The following CACUL1 variants were observed in gnomAD, a reference collection of about 807,000 sequenced individuals.
The protein encoded by CACUL1 is CDK2-associated and cullin domain-containing protein 1.
In CACUL1, 13 loss-of-function variants were observed where a neutral mutation model predicts 45.2. The ratio of observed to expected loss-of-function variants is 0.29; its 90% CI spans 0.19 to 0.46. The LOEUF (loss-of-function observed/expected upper bound fraction) is 0.46, where lower values mean the gene tolerates loss of function less well. CACUL1 is among the 20% of genes least tolerant of loss of function. CACUL1 has a pLI of 1.00. For synonymous variants in CACUL1, 197 were observed against 174.2 expected, an observed-to-expected ratio of 1.13 and a Z score of -1.03; for missense variants, 421 against 471.4, an observed-to-expected ratio of 0.89 and a Z score of 0.99.
intron 1 of CACUL1, among the ~76,000 whole-genome samples, chr10:118,742,568 C>G (rs1157752445): frequency 2.0e-5 from 3 of 152,150 alleles, no homozygotes; most frequent in African/African-American, 7.2e-5. Context: ...GAGGCTCACT[C>G]CTGTAATCCC....
Position 118,678,353 on chromosome 10 carries a change from C to A in CACUL1, c.*7775G>T, listed in dbSNP as rs747948129. Reference sequence around the variant, plus strand: ...TCTATCTTGTTGATGAAATTCTTCCCTACTCCAAAGTCATTGTTTTAATCA... The same window carrying A: ...TCTATCTTGTTGATGAAATTCTTCCATACTCCAAAGTCATTGTTTTAATCA... On this transcript the variant is annotated 3_prime_UTR_variant, in exon 9 of 9. Coordinates refer to ENST00000369151, the MANE Select transcript of CACUL1 (RefSeq NM_153810.5). 1.3e-5 allele frequency: 2 copies of A among 152,184 alleles called. No individual in the cohort carries two copies. The highest frequency in any genetic ancestry group is 4.8e-5 in the African/African-American group (2 of 41,440). The allele number at this position is 152,184 out of a possible 1,614,324, so 9.4% of individuals were successfully genotyped here.
intron 3 of CACUL1, among the ~76,000 whole-genome samples, chr10:118,726,646 T>C (rs1244458436): frequency 1.3e-5 from 2 of 152,132 alleles, no homozygotes; most frequent in Non-Finnish European, 2.9e-5. Context: ...AAGAAAAGAA[T>C]GAAGAAGCAT....
rs74159257 is a variant in CACUL1 at position 118,697,537 on chromosome 10, C to T, written c.797-2307G>A. On this transcript the variant is annotated intron_variant, in intron 5 of 8. Transcript: ENST00000369151. Reference sequence around the variant, plus strand: ...ACACCTTTTGATACCTGAATTGGGACCAGAACCAAGCTCCTCTGCTCTTTC... The same window carrying T: ...ACACCTTTTGATACCTGAATTGGGATCAGAACCAAGCTCCTCTGCTCTTTC... Among the ~76,000 whole-genome samples, 805 of 152,326 alleles carry T rather than the reference C, an allele frequency of 5.3e-3. 8 individuals carry two copies. The highest frequency in any genetic ancestry group is 0.019 in the African/African-American group (774 of 41,570).
At chr10:118,707,650 T>A in intron 3 of CACUL1, 63 bp from the exon 4 acceptor site, 1 of 714,004 alleles carries the variant, frequency 1.4e-6, no homozygotes, top group Non-Finnish European at 2.4e-6. Flanking sequence ...CCACCATAAT[T>A]TGAAACACAA....
At chr10:118,692,918 C>A (rs1045336658) in intron 6 of CACUL1, 1 of 152,180 alleles carries the variant, frequency 6.6e-6, no homozygotes, top group Non-Finnish European at 1.5e-5. Context: ...GGGAGAAACT[C>A]GTGGCAAAAT....
In CACUL1 at chr10:118,683,194, G is replaced by A. The variant is rs935634110; in HGVS notation, c.*2934C>T. ...GTCATTTTTTCAAGATGACTGACCC[G>A]GCTTTCCTTTTAAGGAGCCAGTTTC... On this transcript the variant is annotated 3_prime_UTR_variant, in exon 9 of 9. Coordinates refer to ENST00000369151, the MANE Select transcript of CACUL1 (RefSeq NM_153810.5). The A allele has an allele frequency of 2.0e-5, 3 of 152,096 alleles. No homozygotes were observed. The highest frequency in any genetic ancestry group is 4.8e-5 in the African/African-American group (2 of 41,480). The allele number at this position is 152,096 out of a possible 1,614,324, so 9.4% of individuals were successfully genotyped here.
chr10:118,738,755 TC>T (rs1375308184), intron 1 of CACUL1, among the ~76,000 whole-genome samples: 1 of 151,154 alleles, frequency 6.6e-6, no homozygotes, highest in African/African-American at 2.4e-5. Context: ...ACAAGAGAGA[TC>T]AAAACAAATT....
rs2119536095 is a variant in CACUL1 at position 118,684,701 on chromosome 10, T to C, written c.*1427A>G. ...CACCCACACCACTCCCCCCAAAAAA[T>C]AAACTGAATTGGCAGAGGCAGCTGT... is the stretch of plus-strand genomic sequence containing the variant. On this transcript the variant is annotated 3_prime_UTR_variant, in exon 9 of 9. Coordinates refer to ENST00000369151, the MANE Select transcript of CACUL1 (RefSeq NM_153810.5). 1 of 152,210 alleles carries C rather than the reference T, an allele frequency of 6.6e-6. No homozygotes were observed. The highest frequency in any genetic ancestry group is 2.1e-4 in the South Asian group (1 of 4,822). 9.4% of individuals were successfully genotyped at this position (152,210 alleles called of 1,614,324 possible). A position where few individuals can be genotyped will look rare whatever the true frequency, so the allele number is the denominator to read the frequency against.
intron 7 of CACUL1, among the ~76,000 whole-genome samples, chr10:118,688,514 G>A (rs1343941703): frequency 6.6e-6 from 1 of 152,178 alleles, no homozygotes; most frequent in African/African-American, 2.4e-5. Flanking sequence ...AACAACTGGA[G>A]GCAGGAAAAG....
At chr10:118,722,850 G>A (rs989714993) in intron 3 of CACUL1, among the ~76,000 whole-genome samples, 3 of 152,182 alleles carry the variant, frequency 2.0e-5, no homozygotes, top group African/African-American at 4.8e-5. Flanking sequence ...CATGTCAGTT[G>A]ACCATTGCCA....
chr10:118,743,309 A>G (rs1845809396), intron 1 of CACUL1, among the ~76,000 whole-genome samples: 1 of 152,160 alleles, frequency 6.6e-6, no homozygotes, highest in African/African-American at 2.4e-5. Flanking sequence ...AATAATGAAT[A>G]ATTTTCCAAA....
At chr10:118,727,843 C>T (rs751412615) in intron 3 of CACUL1, among the ~76,000 whole-genome samples, 2 of 152,082 alleles carry the variant, frequency 1.3e-5, no homozygotes, top group Non-Finnish European at 2.9e-5. Flanking sequence ...GAGTCCACAG[C>T]GAGACCCGAA....
At chr10:118,731,928 TGGAATGGGGAATAAAGGA>T in intron 1 of CACUL1, among the ~76,000 whole-genome samples, 2 of 152,230 alleles carry the variant, frequency 1.3e-5, no homozygotes, top group Middle Eastern at 6.8e-3. Context: ...CCACACTGAA[TGGAATGGGGAATAAAGGA>T]GTGTTTTGAC....
intron 3 of CACUL1, among the ~76,000 whole-genome samples, chr10:118,723,095 G>T (rs113202899): frequency 0.048 from 7,371 of 152,204 alleles, 572 homozygotes; most frequent in African/African-American, 0.17. Context: ...TTTTTTTAAT[G>T]TAGTGCTTAG....
At chr10:118,703,765 G>C (rs1369896145) in intron 4 of CACUL1, among the ~76,000 whole-genome samples, 1 of 152,060 alleles carries the variant, frequency 6.6e-6, no homozygotes, top group African/African-American at 2.4e-5. Flanking sequence ...ACTAAAGTAA[G>C]TTAGCGGAAA....
chr10:118,740,787 G>A (rs1391071523), intron 1 of CACUL1, among the ~76,000 whole-genome samples: 2 of 151,672 alleles, frequency 1.3e-5, no homozygotes, highest in African/African-American at 2.4e-5. Flanking sequence ...TTAGCCGGGC[G>A]TGGTGGCAGG....
chr10:118,694,609 T>A (rs1845302270), intron 6 of CACUL1, among the ~76,000 whole-genome samples: 2 of 152,240 alleles, frequency 1.3e-5, no homozygotes, highest in Admixed American at 6.5e-5. Context: ...AAATTTATAA[T>A]GTTTTATTCT....
rs1177872659 is a variant in CACUL1 at position 118,682,553 on chromosome 10, T to C, written c.*3575A>G. On this transcript the variant is annotated 3_prime_UTR_variant, in exon 9 of 9. Transcript: ENST00000369151. The stretch of plus-strand genomic sequence containing the variant: ...AACTGCAGAAACCAATTTTGTTTGC[T>C]AGATCACCATTACCTTTGCTAGTAT... 2.6e-5 allele frequency: 4 copies of C among 152,678 alleles called. No homozygotes were observed. Among genetic ancestry groups the C allele is most frequent in the African/African-American group, 9.6e-5 (4 of 41,464 alleles). 9.5% of individuals were successfully genotyped at this position (152,678 alleles called of 1,614,324 possible).
At chr10:118,738,675 A>G (rs2119660566) in intron 1 of CACUL1, among the ~76,000 whole-genome samples, 1 of 152,104 alleles carries the variant, frequency 6.6e-6, no homozygotes, top group South Asian at 2.1e-4. Context: ...CAGAGCTAGC[A>G]ATTATCTTTT....
Sources: allele counts gnomAD v4.1 joint callset (sites outside exome capture counted in the v4.1 genomes callset), GRCh38; gene constraint gnomAD v4.1.1; transcripts MANE v1.5; gene names NCBI Gene and HGNC (gene_info 2026-07-23, HGNC 2026-07-21).